NRXN3: variants seen among roughly 807,000 people sequenced by gnomAD.
NRXN3 encodes the protein neurexin 3.
A neutral mutation model predicts 137.6 loss-of-function variants in NRXN3; 32 were observed. The observed-to-expected ratio is 0.23, with a 90% CI of 0.18 to 0.31. The LOEUF is 0.31. Among genes scored for constraint, NRXN3 ranks in the 10% least tolerant of loss-of-function variants. The pLI, the probability that NRXN3 is intolerant of heterozygous loss-of-function variation, is 1.00. For synonymous variants in NRXN3, 798 were observed against 784.5 expected (o/e 1.02, Z -0.29); for missense variants, 1,574 against 2,062.5 (o/e 0.76, Z 4.59).
intron 15 of NRXN3, among the ~76,000 whole-genome samples, chr14:79,016,221 G>T (rs1167158724): frequency 1.3e-5 from 2 of 152,048 alleles, no homozygotes; most frequent in South Asian, 2.1e-4. Flanking sequence ...AGTCCACAAG[G>T]TTCACTTTTT....
At chr14:79,652,501 AT>A (rs1344447941) in intron 16 of NRXN3, among the ~76,000 whole-genome samples, 5 of 152,076 alleles carry the variant, frequency 3.3e-5, no homozygotes, top group Non-Finnish European at 5.9e-5. Context: ...GGACATTTCT[AT>A]TTCTCCATTT....
intron 19 of NRXN3, among the ~76,000 whole-genome samples, chr14:79,735,589 A>G (rs975670431): frequency 1.3e-5 from 2 of 152,166 alleles, no homozygotes; most frequent in Non-Finnish European, 2.9e-5. Flanking sequence ...ATAAGTCAAA[A>G]ACAATTAAAC....
In NRXN3 at chr14:78,926,982, T is replaced by A. The variant is rs557491503; in HGVS notation, c.2276-30260T>A. ...AATATATATATAATATATAATATAT[T>A]TTTATATATATATATAATATATATA... On this transcript the variant is annotated intron_variant, in intron 10 of 20. Coordinates refer to ENST00000335750, the MANE Select transcript of NRXN3 (RefSeq NM_001330195.2). Among the ~76,000 whole-genome samples, 2 of 56,322 alleles carry A rather than the reference T, an allele frequency of 3.6e-5. 1 individual carries two copies. Among genetic ancestry groups the A allele is most frequent in the African/African-American group, 1.5e-4 (2 of 13,172 alleles). 36.9% of individuals were successfully genotyped at this position (56,322 alleles called of 152,430 possible). A position where few individuals can be genotyped will look rare whatever the true frequency, so the allele number is the denominator to read the frequency against.
At chr14:78,587,015 A>T (rs2097070713) in intron 4 of NRXN3, among the ~76,000 whole-genome samples, 1 of 152,152 alleles carries the variant, frequency 6.6e-6, no homozygotes, top group Non-Finnish European at 1.5e-5. Flanking sequence ...AACAGTCTTG[A>T]ATGAGAAGCT....
intron 15 of NRXN3, among the ~76,000 whole-genome samples, chr14:79,020,430 T>A (rs1012789892): frequency 8.3e-6 from 1 of 120,354 alleles, no homozygotes; most frequent in Non-Finnish European, 1.8e-5. Context: ...CACGCCTGGC[T>A]ATTTTTTTTT....
At chr14:78,872,345 T>A (rs963018460) in intron 10 of NRXN3, among the ~76,000 whole-genome samples, 2 of 149,830 alleles carry the variant, frequency 1.3e-5, no homozygotes, top group African/African-American at 4.9e-5. Flanking sequence ...GTATTATTTC[T>A]TATTTTGATA....
At chr14:79,497,765 G>A (rs935990794) in intron 16 of NRXN3, among the ~76,000 whole-genome samples, 4 of 152,190 alleles carry the variant, frequency 2.6e-5, no homozygotes, top group Admixed American at 6.5e-5. Context: ...GGCTGGGCAC[G>A]GTGGCTCACG....
At chr14:79,804,279 A>G (rs1395409270) in intron 19 of NRXN3, among the ~76,000 whole-genome samples, 1 of 152,102 alleles carries the variant, frequency 6.6e-6, no homozygotes, top group Non-Finnish European at 1.5e-5. Flanking sequence ...TTTATTGTGC[A>G]TGCAATATGT....
At chr14:79,403,305 A>C (rs1366494882) in intron 15 of NRXN3, among the ~76,000 whole-genome samples, 10 of 152,166 alleles carry the variant, frequency 6.6e-5, no homozygotes, top group Admixed American at 5.2e-4. Context: ...TGCCTTTCCC[A>C]AAAATAGGTG....
In NRXN3 at chr14:79,610,741, T is replaced by C. The variant is rs181366718; in HGVS notation, c.3445-53037T>C. On this transcript the variant is annotated intron_variant, in intron 16 of 20. Transcript: ENST00000335750. ...TTTTTTAGGAGGCAAACTAGCCCTT[T>C]CCATGTCACCTTCCTTAAGAAGCAG... 1.3e-3 allele frequency among the ~76,000 whole-genome samples: 204 copies of C among 152,364 alleles called. 3 individuals carry two copies. Among genetic ancestry groups the C allele is most frequent in the Non-Finnish European group, 2.0e-3 (135 of 68,038 alleles).
chr14:78,172,562 T>C (rs1482703175), intron 1 of NRXN3, among the ~76,000 whole-genome samples: 5 of 151,978 alleles, frequency 3.3e-5, no homozygotes, highest in Admixed American at 3.3e-4. Context: ...TATTGTTTGA[T>C]TTTTTGTTGT....
intron 4 of NRXN3, among the ~76,000 whole-genome samples, chr14:78,363,238 C>A (rs2085399560): frequency 6.6e-6 from 1 of 152,160 alleles, no homozygotes; most frequent in Non-Finnish European, 1.5e-5. Context: ...CTCTGCATGG[C>A]CCGTCATGAA....
At chr14:78,512,585 C>G (rs1386481606) in intron 4 of NRXN3, among the ~76,000 whole-genome samples, 1 of 152,134 alleles carries the variant, frequency 6.6e-6, no homozygotes, top group East Asian at 1.9e-4. Context: ...AAATCAAAAC[C>G]CTTAGGTGGC....
chr14:78,821,906 TC>T (rs1434734125), intron 10 of NRXN3, among the ~76,000 whole-genome samples: 1 of 152,144 alleles, frequency 6.6e-6, no homozygotes, highest in African/African-American at 2.4e-5. Context: ...AACTTTCCGG[TC>T]ATCATAAATA....
intron 2 of NRXN3, among the ~76,000 whole-genome samples, chr14:78,265,013 A>G (rs1241338211): frequency 1.3e-5 from 2 of 152,226 alleles, no homozygotes; most frequent in Non-Finnish European, 2.9e-5. Flanking sequence ...CTCCAAGTTC[A>G]CACTGTTGTT....
At chr14:78,867,199 GA>G (rs1029728880) in intron 10 of NRXN3, among the ~76,000 whole-genome samples, 1 of 152,120 alleles carries the variant, frequency 6.6e-6, no homozygotes, top group African/African-American at 2.4e-5. Context: ...CTATCAGTAA[GA>G]AAACTGTAGC....
intron 16 of NRXN3, among the ~76,000 whole-genome samples, chr14:79,484,217 A>C (rs2096634928): frequency 6.6e-6 from 1 of 152,162 alleles, no homozygotes; most frequent in Non-Finnish European, 1.5e-5. Context: ...AAGAGCAGAA[A>C]CAAAGGCTTT....
At chr14:79,716,081 G>A (rs977074880) in intron 19 of NRXN3, among the ~76,000 whole-genome samples, 1 of 152,210 alleles carries the variant, frequency 6.6e-6, no homozygotes, top group Non-Finnish European at 1.5e-5. Flanking sequence ...ACAAAGGGGT[G>A]TGGGACTGGT....
chr14:78,246,586 C>T (rs2067713546), intron 2 of NRXN3, among the ~76,000 whole-genome samples: 1 of 152,198 alleles, frequency 6.6e-6, no homozygotes, highest in South Asian at 2.1e-4. Flanking sequence ...ACAGAATCTA[C>T]TGTTGATTAC....
Sources: allele counts gnomAD v4.1 joint callset (sites outside exome capture counted in the v4.1 genomes callset), GRCh38; gene constraint gnomAD v4.1.1; transcripts MANE v1.5; gene names NCBI Gene and HGNC (gene_info 2026-07-23, HGNC 2026-07-21).